Variants in COL3A1 observed in about 807,000 individuals in gnomAD.
COL3A1 encodes the protein collagen alpha-1(III) chain.
Under a neutral mutation model 200.9 loss-of-function variants are expected in COL3A1, and 46 were observed. The ratio of observed to expected loss-of-function variants is 0.23; its 90% confidence interval spans 0.18 to 0.29. The LOEUF (loss-of-function observed/expected upper bound fraction) is 0.29, where lower values mean the gene tolerates loss of function less well. COL3A1 is among the 10% of genes least tolerant of loss of function. COL3A1 has a pLI of 1.00. For missense variants in COL3A1, 1,367 were observed against 1,917.6 expected (o/e 0.71, Z 5.36); for synonymous variants, 650 against 628.0 (o/e 1.03, Z -0.52).
intron 41 of COL3A1, 99 bp downstream of exon 41, chr2:189,005,556 C>T: frequency 1.1e-6 from 1 of 933,484 alleles, no homozygotes; most frequent in East Asian, 2.5e-5. Flanking sequence ...TAAATATGGC[C>T]ACATAGCAAA....
Position 189,011,649 on chromosome 2 carries a change from A to G in COL3A1, c.4276A>G (p.Lys1426Glu), listed in dbSNP as rs908421014. 1.2e-6 allele frequency: 2 copies of G among 1,613,916 alleles called. No individual in the cohort carries two copies. Among genetic ancestry groups the G allele is most frequent in the Non-Finnish European group, 1.7e-6 (2 of 1,179,910 alleles). ...ACAGAAACACACTGGGGAATGGAGC[A>G]AAACAGTCTTTGAATATCGAACACG... is the stretch of plus-strand genomic sequence containing the variant. The part of the protein sequence containing the change: ...GCTKHTGEWS[K>E]TVFEYRTRKA... Residue 1426 changes from lysine (K) to glutamate (E), a missense_variant, in exon 51 of 51, where the codon AAA becomes GAA. By Grantham distance (56) the Lys-to-Glu change is moderately conservative (BLOSUM62 1). This residue lies in a region of COL3A1 where 846 missense variants were observed against 1,147.9 expected (regional missense o/e 0.74). Coordinates refer to ENST00000304636, the MANE Select transcript of COL3A1 (RefSeq NM_000090.4).
chr2:188,980,481 C>T (rs1376958511), intron 1 of COL3A1, among the ~76,000 whole-genome samples: 1 of 145,228 alleles, frequency 6.9e-6, no homozygotes, highest in Non-Finnish European at 1.5e-5. Context: ...TAATTGAATT[C>T]TAAAAGATTA....
intron 36 of COL3A1, 112 bp downstream of exon 36, chr2:189,003,174 T>G: frequency 1.1e-6 from 1 of 931,274 alleles, no homozygotes; most frequent in Non-Finnish European, 1.7e-6. Flanking sequence ...GTCCTAAGTG[T>G]TCTAATGGAA....
chr2:189,004,400 C>T (rs991613068), intron 40 of COL3A1, 36 bp downstream of exon 40: 12 of 1,537,000 alleles, frequency 7.8e-6, no homozygotes, highest in Non-Finnish European at 8.9e-6. Context: ...CTCTTCCTTC[C>T]TTTGGTAGCC....
At chr2:189,010,565 A>G (rs946031322) in intron 49 of COL3A1, 83 bp from the exon 50 acceptor site, 2 of 1,559,180 alleles carry the variant, frequency 1.3e-6, no homozygotes, top group Non-Finnish European at 1.8e-6. Context: ...CCATATTACA[A>G]TATGCATACA....
intron 13 of COL3A1, among the ~76,000 whole-genome samples, 182 bp downstream of exon 13, chr2:188,991,904 A>G (rs910292536): frequency 6.6e-6 from 1 of 152,196 alleles, no homozygotes; most frequent in Non-Finnish European, 1.5e-5. Flanking sequence ...TTTTACAATT[A>G]TTATCTCTAT....
intron 1 of COL3A1, among the ~76,000 whole-genome samples, chr2:188,978,756 C>CAAAAAAAA (rs55694521): frequency 1.1e-5 from 1 of 87,810 alleles, no homozygotes; most frequent in Non-Finnish European, 2.4e-5. Flanking sequence ...TTTCCACACT[C>CAAAAAAAA]AAAAAAAAAA....
intron 21 of COL3A1, 161 bp from the exon 22 acceptor site, chr2:188,995,531 A>G: frequency 1.7e-6 from 1 of 603,392 alleles, no homozygotes. Flanking sequence ...TCAATATGGC[A>G]ATCCAAGCTA....
At position 188,994,159 on chromosome 2, in the gene COL3A1, T is replaced by C. The variant is rs1307738749; in HGVS notation, c.1195-75T>C. Reference sequence around the variant, plus strand: ...TTTTGCATTTTGCATGACAATAGATTTGTGATATTTAAGTGAGATATTCAT... The same window carrying C: ...TTTTGCATTTTGCATGACAATAGATCTGTGATATTTAAGTGAGATATTCAT... On this transcript the variant is annotated intron_variant, in intron 17 of 50. Transcript: ENST00000304636. The surrounding 1 kb of genome is among the most constrained non-coding windows in gnomAD (Gnocchi z 4.5). 1 of 1,610,350 alleles carries C rather than the reference T, an allele frequency of 6.2e-7. No homozygotes were observed. The highest frequency in any genetic ancestry group is 8.5e-7 in the Non-Finnish European group (1 of 1,176,620).
intron 1 of COL3A1, among the ~76,000 whole-genome samples, chr2:188,980,946 C>A (rs973828708): frequency 1.3e-5 from 2 of 151,160 alleles, no homozygotes; most frequent in Non-Finnish European, 3.0e-5. Context: ...GATTATACAA[C>A]ATCTTTTCCC....
intron 1 of COL3A1, 60 bp from the exon 2 acceptor site, chr2:188,984,700 A>C: frequency 6.7e-7 from 1 of 1,492,804 alleles, no homozygotes; most frequent in Non-Finnish European, 9.3e-7. Flanking sequence ...TAACAGAGTA[A>C]CAAAAATCAC....
chr2:188,992,408 G>T (rs1351977337), intron 14 of COL3A1, among the ~76,000 whole-genome samples, 180 bp downstream of exon 14: 1 of 151,868 alleles, frequency 6.6e-6, no homozygotes, highest in East Asian at 1.9e-4. Flanking sequence ...AAAAAATATT[G>T]TAGCCCCAAT....
intron 35 of COL3A1, 45 bp from the exon 36 acceptor site, chr2:189,002,910 C>T: frequency 7.6e-7 from 1 of 1,322,232 alleles, no homozygotes; most frequent in Non-Finnish European, 1.1e-6. Flanking sequence ...CCAATTGTAT[C>T]ATAAAGAGTG....
rs767716621 is a variant in COL3A1 at position 189,010,787 on chromosome 2, G to A, written c.4151G>A (p.Gly1384Glu). Residue 1384 changes from glycine to glutamate, a missense_variant, in exon 50 of 51, where the codon GGA (glycine) becomes GAA (glutamate). By Grantham distance (98) the Gly-to-Glu change is moderately conservative (BLOSUM62 -2). This residue lies in a region of COL3A1 where 846 missense variants were observed against 1,147.9 expected (regional missense o/e 0.74). Transcript: ENST00000304636. ...NSIAYMDQAS[G>E]NVKKALKLMG... is the part of the protein sequence containing the mutation. ...ATTGCATACATGGATCAGGCCAGTGGAAATGTAAAGAAGGCCCTGAAGCTG... is the reference window on the plus strand; with the variant it reads ...ATTGCATACATGGATCAGGCCAGTGAAAATGTAAAGAAGGCCCTGAAGCTG... The A allele has an allele frequency of 6.2e-7, 1 of 1,614,128 alleles. No homozygotes were observed. Among genetic ancestry groups the A allele is most frequent in the East Asian group, 2.2e-5 (1 of 44,880 alleles).
At chr2:189,008,213 T>A in intron 47 of COL3A1, 71 bp downstream of exon 47, 2 of 1,315,316 alleles carry the variant, frequency 1.5e-6, no homozygotes, top group Non-Finnish European at 2.1e-6. Context: ...CACAGCGCAT[T>A]ATGTTTAAAT....
chr2:189,004,667 A>C (rs1289613351), intron 40 of COL3A1, among the ~76,000 whole-genome samples: 11 of 152,134 alleles, frequency 7.2e-5, no homozygotes, highest in Admixed American at 1.3e-4. Context: ...GTTGACTGTC[A>C]GTTTTGAAGG....
intron 1 of COL3A1, among the ~76,000 whole-genome samples, chr2:188,983,815 A>G (rs541553535): frequency 6.6e-6 from 1 of 152,006 alleles, no homozygotes; most frequent in Non-Finnish European, 1.5e-5. Flanking sequence ...TTACTCAATT[A>G]CTGGCAAACT....
rs2153501476 is a variant in COL3A1 at position 188,985,714 on chromosome 2, A to G, written c.383A>G (p.Gln128Arg). The change falls in exon 4 of 51, where the codon CAA becomes CGA. Residue 128 changes from glutamine to arginine, a missense_variant. Gln to Arg is a conservative substitution (Grantham distance 43). Around this residue, in one of 5 missense-constraint regions of COL3A1, gnomAD observed 462 missense variants for 681.4 expected, o/e 0.68. Coordinates refer to ENST00000304636, the MANE Select transcript of COL3A1 (RefSeq NM_000090.4). ...AATGGTGACCCTGGTATTCCAGGAC[A>G]ACCAGGGTCCCCTGGTTCTCCTGGC... ...GRNGDPGIPG[Q>R]PGSPGSPGPP... is the part of the protein sequence containing the mutation. 1 of 1,611,412 alleles carries G rather than the reference A, an allele frequency of 6.2e-7. No individual in the cohort carries two copies. Among genetic ancestry groups the G allele is most frequent in the Middle Eastern group, 1.8e-4 (1 of 5,522 alleles).
chr2:188,985,854 G>A (rs13306276), intron 4 of COL3A1, 76 bp downstream of exon 4: 9,809 of 960,624 alleles, frequency 0.01, 216 homozygotes, highest in East Asian at 0.084. Flanking sequence ...TCGATATTAC[G>A]TCTCACTATT....
Sources: allele counts gnomAD v4.1 joint callset (sites outside exome capture counted in the v4.1 genomes callset), GRCh38; gene constraint gnomAD v4.1.1; regional missense constraint gnomAD v4.1.1; non-coding constraint Gnocchi (gnomAD v3.1); transcripts MANE v1.5; gene names NCBI Gene and HGNC (gene_info 2026-07-23, HGNC 2026-07-21).